The following CPAMD8 variants were observed in gnomAD, a reference collection of about 807,000 sequenced individuals.
The protein encoded by CPAMD8 is C3 and PZP like alpha-2-macroglobulin domain containing 8, also known as C3 and PZP-like alpha-2-macroglobulin domain-containing protein 8.
A neutral mutation model predicts 224.7 loss-of-function variants in CPAMD8; 146 were observed. The observed-to-expected ratio is 0.65, with a 90% CI of 0.57 to 0.75. CPAMD8 has a LOEUF of 0.75. Ranked by LOEUF, CPAMD8 falls within the 30% of genes least tolerant of loss-of-function variation. CPAMD8 has a pLI of 0.00. For synonymous variants in CPAMD8, 966 were observed against 1,044.6 expected (o/e 0.92, Z 1.45); for missense variants, 2,301 against 2,537.5 (o/e 0.91, Z 2.00).
chr19:16,919,938 T>C (rs993576413), intron 27 of CPAMD8, among the ~76,000 whole-genome samples: 4 of 152,144 alleles, frequency 2.6e-5, no homozygotes, highest in Admixed American at 6.5e-5. Context: ...ATCCAGGTTC[T>C]TAGAGGGATG....
rs376494883 is a variant in CPAMD8 at position 16,989,654 on chromosome 19, G to A, written c.1384C>T (p.His462Tyr). ...QCYLQLQPPS[H>Y]PLQVGEEAYF... is the part of the protein sequence containing the mutation. Reference sequence around the variant, plus strand: ...CCTGAAAATCTTACCTGCAGTGGGTGGGAGGGTGGCTGCAGCTGCAGGTAG... The same window carrying A: ...CCTGAAAATCTTACCTGCAGTGGGTAGGAGGGTGGCTGCAGCTGCAGGTAG... The change falls in exon 13 of 42, where the codon CAC (histidine) becomes TAC (tyrosine). Residue 462 changes from histidine (H) to tyrosine (Y), a missense_variant. Around this residue, in one of 4 missense-constraint regions of CPAMD8, gnomAD observed 301 missense variants for 406.6 expected, o/e 0.74. Coordinates refer to ENST00000443236, the MANE Select transcript of CPAMD8 (RefSeq NM_015692.5). 1.9e-6 allele frequency: 3 copies of A among 1,613,878 alleles called. No homozygotes were observed. In the South Asian group the frequency reaches 3.3e-5, roughly 18 times the overall value.
chr19:16,913,135 G>A (rs1393191302), intron 29 of CPAMD8, among the ~76,000 whole-genome samples: 2 of 152,162 alleles, frequency 1.3e-5, no homozygotes, highest in East Asian at 1.9e-4. Context: ...TCGAGTGGGG[G>A]CCAAGGGCTC....
chr19:16,894,807 T>C, intron 41 of CPAMD8: 1 of 260,462 alleles, frequency 3.8e-6, no homozygotes. Flanking sequence ...TTTGGGAGAC[T>C]GAGATGGGAG....
rs376385442 is a variant in CPAMD8, at chr19:16,914,844, T to C, written c.3630-31A>G. On this transcript the variant is annotated intron_variant, in intron 27 of 41. Transcript: ENST00000443236. Reference sequence around the variant, plus strand: ...AGAGGACAGGGTGTCAGCTGAGGGGTTGCAGAATGGTCAGCCCCCACATGC... The same window carrying C: ...AGAGGACAGGGTGTCAGCTGAGGGGCTGCAGAATGGTCAGCCCCCACATGC... The C allele has an allele frequency of 3.4e-5, 52 of 1,538,366 alleles. No homozygotes were observed. The East Asian group carries it at 3.4e-4, about 10-fold the overall frequency.
In CPAMD8 at chr19:16,925,242, C is replaced by T. The variant is rs370955239; in HGVS notation, c.3501G>A (p.Gln1167=). ...TCTCTCTCTCCACCTCAGGGCTGAG[C>T]TGCTGGGTTTTCTGAAGATACTTCA... ...FVLKYLQKTQ[Q]LSPEVERETT... Residue 1167 remains glutamine (Q), a synonymous_variant, in exon 26 of 42, where the codon CAG becomes CAA. Transcript: ENST00000443236. 1 of 1,614,242 alleles carries T rather than the reference C, an allele frequency of 6.2e-7. No homozygotes were observed. Among genetic ancestry groups the T allele is most frequent in the Non-Finnish European group, 8.5e-7 (1 of 1,180,036 alleles).
intron 22 of CPAMD8, among the ~76,000 whole-genome samples, chr19:16,941,770 T>G (rs1295770949): frequency 6.6e-6 from 1 of 151,828 alleles, no homozygotes; most frequent in Non-Finnish European, 1.5e-5. Context: ...GTCAAGAGAT[T>G]GAGACCAGCC....
intron 8 of CPAMD8, 129 bp downstream of exon 8, chr19:17,004,144 G>A (rs1429966293): frequency 1.8e-6 from 1 of 566,886 alleles, no homozygotes. Context: ...GACCTCAAGT[G>A]ATCCGCCCAC....
chr19:17,020,322 A>C lies in CPAMD8; in HGVS notation c.267+9T>G. On this transcript the variant is annotated intron_variant, in intron 3 of 41. Coordinates refer to ENST00000443236, the MANE Select transcript of CPAMD8 (RefSeq NM_015692.5). The stretch of plus-strand genomic sequence containing the variant: ...GTCAGGTTTATGATTTTAAAAATCA[A>C]CGGCTTACCTTGAGTTTGATTGTCC... The C allele has an allele frequency of 6.3e-7, 1 of 1,580,286 alleles. No homozygotes were observed. Among genetic ancestry groups the C allele is most frequent in the South Asian group, 1.1e-5 (1 of 90,110 alleles).
intron 18 of CPAMD8, among the ~76,000 whole-genome samples, chr19:16,967,281 C>T (rs956942669): frequency 3.7e-5 from 5 of 133,706 alleles, no homozygotes; most frequent in South Asian, 2.3e-4. Context: ...TAGGTGGGAA[C>T]TGAACAATGA....
chr19:16,913,092 T>C (rs552494903), intron 29 of CPAMD8, among the ~76,000 whole-genome samples: 2 of 152,138 alleles, frequency 1.3e-5, no homozygotes, highest in East Asian at 3.9e-4. Flanking sequence ...AGGGTAGCAA[T>C]TGTGCAGCAT....
intron 7 of CPAMD8, 35 bp from the exon 8 acceptor site, chr19:17,004,421 G>C: frequency 1.4e-6 from 2 of 1,393,814 alleles, no homozygotes; most frequent in African/African-American, 1.4e-5. Flanking sequence ...CTTTTTCAGA[G>C]AGCCACAGAC....
At chr19:17,026,396 C>T (rs367892967) in intron 1 of CPAMD8, among the ~76,000 whole-genome samples, 155 bp downstream of exon 1, 14 of 152,176 alleles carry the variant, frequency 9.2e-5, no homozygotes, top group African/African-American at 3.4e-4. Context: ...CTTTAGGGCG[C>T]CCCCTCCTCA....
chr19:17,025,944 G>A (rs2057069705), intron 1 of CPAMD8, among the ~76,000 whole-genome samples: 1 of 152,106 alleles, frequency 6.6e-6, no homozygotes, highest in East Asian at 1.9e-4. Flanking sequence ...TAAACGCCCA[G>A]CTGGACTAAA....
intron 17 of CPAMD8, among the ~76,000 whole-genome samples, chr19:16,972,859 A>G (rs950919533): frequency 5.9e-5 from 9 of 152,166 alleles, no homozygotes. Flanking sequence ...ATTTTTCAAA[A>G]CAAAAAACAA....
At position 16,980,501 on chromosome 19, in the gene CPAMD8, C is replaced by T. The variant is rs2055470324; in HGVS notation, c.1581G>A (p.Glu527=). 6.2e-7 allele frequency: 1 copy of T among 1,613,016 alleles called. No individual in the cohort carries two copies. The highest frequency in any genetic ancestry group is 1.3e-5 in the African/African-American group (1 of 75,016). Residue 527 remains glutamate (E), a synonymous_variant, in exon 14 of 42, where the codon GAG becomes GAA. Transcript: ENST00000443236. ...TCTCCCTGCTGCCCGGCTCACCTGTCTCAGAAAGGTGTGTTAAACGAATCG... is the reference window on the plus strand; with the variant it reads ...TCTCCCTGCTGCCCGGCTCACCTGTTTCAGAAAGGTGTGTTAAACGAATCG... ...EKPIRLTHLS[E]TEPPPAPEAE... is the part of the protein sequence containing the mutation.
intron 24 of CPAMD8, 48 bp downstream of exon 24, chr19:16,928,894 G>A: frequency 6.8e-7 from 1 of 1,470,792 alleles, no homozygotes. Context: ...GCTAGTATTG[G>A]AGGAACATGA....
intron 11 of CPAMD8, 113 bp downstream of exon 11, chr19:16,996,998 G>T: frequency 1.4e-6 from 1 of 713,836 alleles, no homozygotes; most frequent in Non-Finnish European, 2.5e-6. Flanking sequence ...CTCCGCAAAG[G>T]TTATGTCAGG....
Position 16,896,654 on chromosome 19 carries a change from CG to C in CPAMD8, c.5076del (p.Gly1693AlafsTer94). ...RAPARGPGWF[P>X]GESGPAVAPE... ...GGGGCCACGGCAGGGCCCGACTCGCCGGGGAACCAGCCTGGGGGACGAGGCA... is the reference window on the plus strand; with the variant it reads ...GGGGCCACGGCAGGGCCCGACTCGCCGGGAACCAGCCTGGGGGACGAGGCA... On this transcript the variant is annotated frameshift_variant, in exon 40 of 42. Coordinates refer to ENST00000443236, the MANE Select transcript of CPAMD8 (RefSeq NM_015692.5). LOFTEE classifies it high-confidence loss of function. 8 of 1,465,562 alleles carry C rather than the reference CG, an allele frequency of 5.5e-6. No individual in the cohort carries two copies. Among genetic ancestry groups the C allele is most frequent in the Non-Finnish European group, 6.3e-6 (7 of 1,111,554 alleles). The allele number at this position is 1,465,562 out of a possible 1,614,324, so 90.8% of individuals were successfully genotyped here. A position where few individuals can be genotyped will look rare whatever the true frequency, so the allele number is the denominator to read the frequency against.
chr19:17,024,339 G>A (rs2123285352), intron 1 of CPAMD8, among the ~76,000 whole-genome samples: 1 of 152,302 alleles, frequency 6.6e-6, no homozygotes, highest in South Asian at 2.1e-4. Context: ...AGGACCAACT[G>A]GAGTTTGCAA....
Sources: gnomAD v4.1 joint callset for allele counts (sites outside exome capture counted in the v4.1 genomes callset) on GRCh38, gnomAD v4.1.1 for gene constraint, gnomAD v4.1.1 regional missense constraint, MANE v1.5 for transcripts, NCBI Gene and HGNC (gene_info 2026-07-23, HGNC 2026-07-21) for gene names.